BAIAP3: variants seen among roughly 807,000 people sequenced by gnomAD.
BAIAP3 encodes BAI1-associated protein 3.
In BAIAP3, 180 loss-of-function variants were observed where a neutral mutation model predicts 149.7. The observed-to-expected ratio is 1.20, with a 90% CI of 1.07 to 1.36. The LOEUF is 1.36. Among genes scored for constraint, BAIAP3 ranks in the 40% most tolerant of loss-of-function variants. BAIAP3 has a pLI of 0.00. For synonymous variants in BAIAP3, 845 were observed against 670.7 expected (o/e 1.26, Z -4.02); for missense variants, 1,767 against 1,563.4 (o/e 1.13, Z -2.20).
rs138350578 is a variant in BAIAP3, at chr16:1,348,192, G to C, written c.3246G>C (p.Glu1082Asp). The C allele has an allele frequency of 6.2e-7, 1 of 1,609,168 alleles. No homozygotes were observed. Among genetic ancestry groups the C allele is most frequent in the Non-Finnish European group, 8.5e-7 (1 of 1,179,636 alleles). The stretch of plus-strand genomic sequence containing the variant: ...TGTCCACCAACGACTTCGCTGGGGA[G>C]GCGGCCCTCGGCCTAGGTGGCGTCA... Reference protein sequence around the residue: ...DWLSTNDFAGEAALGLGGVTG... With the variant: ...DWLSTNDFAGDAALGLGGVTG... Residue 1082 changes from glutamate to aspartate, a missense_variant, in exon 33 of 34, where the codon GAG becomes GAC. Transcript: ENST00000426824.
chr16:1,342,364 C>G lies in BAIAP3; in HGVS notation c.957+81C>G, dbSNP rs572917879. ...CCAGCCTTCAAGGGGCAGGGCACTG[C>G]CTGGAGAAGCTCCTGCTTTTGGGCC... is the stretch of plus-strand genomic sequence containing the variant. On this transcript the variant is annotated intron_variant, in intron 11 of 33. Coordinates refer to ENST00000426824, the MANE Select transcript of BAIAP3 (RefSeq NM_001199097.2). 1.4e-4 allele frequency: 209 copies of G among 1,481,258 alleles called. 1 individual carries two copies. The Middle Eastern group carries it at 3.0e-3, about 21-fold the overall frequency. 91.8% of individuals were successfully genotyped at this position (1,481,258 alleles called of 1,614,324 possible).
chr16:1,334,230 A>C (rs1241336373), intron 1 of BAIAP3, among the ~76,000 whole-genome samples: 1 of 151,738 alleles, frequency 6.6e-6, no homozygotes, highest in Non-Finnish European at 1.5e-5. Flanking sequence ...GTCCCCCCGA[A>C]ATCCCTGCGA....
At chr16:1,335,093 A>G (rs567195487) in intron 1 of BAIAP3, among the ~76,000 whole-genome samples, 8 of 152,164 alleles carry the variant, frequency 5.3e-5, no homozygotes, top group Non-Finnish European at 1.2e-4. Context: ...TGAGCCCCCA[A>G]ATGGCCTGGC....
At chr16:1,340,438 T>TCACACAC (rs2033841560) in intron 5 of BAIAP3, among the ~76,000 whole-genome samples, 1 of 43,072 alleles carries the variant, frequency 2.3e-5, no homozygotes. Flanking sequence ...TACACAGACA[T>TCACACAC]GCACACAGGT....
intron 1 of BAIAP3, 72 bp from the exon 2 acceptor site, chr16:1,338,468 C>A (rs1458816516): frequency 1.4e-5 from 9 of 665,168 alleles, no homozygotes; most frequent in African/African-American, 3.9e-5. Context: ...ACCCCCCCAC[C>A]CCCCCGCCTG....
chr16:1,341,491 T>G lies in BAIAP3; in HGVS notation c.731+2T>G. 6.2e-7 allele frequency: 1 copy of G among 1,605,432 alleles called. No individual in the cohort carries two copies. On this transcript the variant is annotated splice_donor_variant, in intron 8 of 33. Transcript: ENST00000426824. LOFTEE classifies it high-confidence loss of function. Reference sequence around the variant, plus strand: ...CGTCTGGAAGGAGCACTTCCTCTTGTGAGGCCCTCGCCCGTCTGGGTGCGG... The same window carrying G: ...CGTCTGGAAGGAGCACTTCCTCTTGGGAGGCCCTCGCCCGTCTGGGTGCGG...
chr16:1,348,359 C>T lies in BAIAP3; in HGVS notation c.3356-20C>T, dbSNP rs370350074. 1.1e-5 allele frequency: 17 copies of T among 1,610,562 alleles called. No homozygotes were observed. The African/African-American group carries it at 2.1e-4, about 20-fold the overall frequency. Reference sequence around the variant, plus strand: ...CGGGCCTGACCCCGGCCCCCACACACCTGCCCGCGCTGCTTGCAGTGAGAT... The same window carrying T: ...CGGGCCTGACCCCGGCCCCCACACATCTGCCCGCGCTGCTTGCAGTGAGAT... On this transcript the variant is annotated intron_variant, in intron 33 of 33. Coordinates refer to ENST00000426824, the MANE Select transcript of BAIAP3 (RefSeq NM_001199097.2).
In BAIAP3 at chr16:1,339,539, G is replaced by A. The variant is rs142556073; in HGVS notation, c.344G>A (p.Arg115His). Reference sequence around the variant, plus strand: ...GAGGCCCTGTACACGGTGCTTTACCGCGCGGGTACCATGGGCCCTGACCAG... The same window carrying A: ...GAGGCCCTGTACACGGTGCTTTACCACGCGGGTACCATGGGCCCTGACCAG... ...YEEALYTVLYRAGTMGPDQVD... is the reference protein window; with the variant it reads ...YEEALYTVLYHAGTMGPDQVD... The change falls in exon 5 of 34, where the codon CGC (arginine) becomes CAC (histidine). Residue 115 changes from arginine (R) to histidine (H), a missense_variant. Physicochemically the swap from Arg to His is conservative, Grantham distance 29. Coordinates refer to ENST00000426824, the MANE Select transcript of BAIAP3 (RefSeq NM_001199097.2). 39 of 1,612,458 alleles carry A rather than the reference G, an allele frequency of 2.4e-5. No homozygotes were observed. The highest frequency in any genetic ancestry group is 1.2e-4 in the African/African-American group (9 of 74,878).
At position 1,343,489 on chromosome 16, in the gene BAIAP3, G is replaced by A. The variant is rs1338828000; in HGVS notation, c.1362G>A (p.Glu454=). The stretch of plus-strand genomic sequence containing the variant: ...AGGACATGCAGGCACACTGGGAAGA[G>A]GCTCCTTCACTGCCCCAGGAGCAGG... ...LLEDMQAHWE[E]APSLPQEQEE... Residue 454 remains glutamate (E), a synonymous_variant, in exon 15 of 34, where the codon GAG becomes GAA. Transcript: ENST00000426824. 3.7e-6 allele frequency: 6 copies of A among 1,605,338 alleles called. No individual in the cohort carries two copies. The highest frequency in any genetic ancestry group is 2.5e-6 in the Non-Finnish European group (3 of 1,177,492).
In BAIAP3 at chr16:1,344,245, G is replaced by A; in HGVS notation, c.1530G>A (p.Gln510=). 1 of 1,613,650 alleles carries A rather than the reference G, an allele frequency of 6.2e-7. No individual in the cohort carries two copies. The highest frequency in any genetic ancestry group is 1.1e-5 in the South Asian group (1 of 91,086). The change falls in exon 17 of 34, where the codon CAG becomes CAA. Residue 510 remains glutamine (Q), a synonymous_variant. Transcript: ENST00000426824. ...ELLLKCLGKL[Q]LFQPSFEICP... is the part of the protein sequence containing the mutation. ...CACCCAGGTGTCTGGGCAAGCTGCA[G>A]CTCTTCCAACCCTCCTTTGAGATCT...
In BAIAP3 at chr16:1,346,071, G is replaced by T; in HGVS notation, c.2294G>T (p.Ser765Ile). The change falls in exon 24 of 34, where the codon AGC (serine) becomes ATC (isoleucine). Residue 765 changes from serine (S) to isoleucine (I), a missense_variant. Transcript: ENST00000426824. ...CCAGGGGCGGCCGGTGAAGCAGTGA[G>T]CGAGGCGGTGAGTGACCAGCTGGGG... ...TQPGAAGEAV[S>I]EALCVVLNNV... 2 of 1,610,736 alleles carry T rather than the reference G, an allele frequency of 1.2e-6. No individual in the cohort carries two copies. Among genetic ancestry groups the T allele is most frequent in the Non-Finnish European group, 1.7e-6 (2 of 1,179,258 alleles).
rs768813705 is a variant in BAIAP3 at position 1,346,029 on chromosome 16, A to C, written c.2252A>C (p.Lys751Thr). 5.8e-5 allele frequency: 94 copies of C among 1,611,580 alleles called. No individual in the cohort carries two copies. The highest frequency in any genetic ancestry group is 7.7e-5 in the Non-Finnish European group (91 of 1,179,576). The change falls in exon 24 of 34, where the codon AAG becomes ACG. Residue 751 changes from lysine to threonine, a missense_variant. Transcript: ENST00000426824. Reference sequence around the variant, plus strand: ...CTCTTCTATACGGAGCTGCTTCGGAAGAAGGTGGACACTCAGCCAGGGGCG... The same window carrying C: ...CTCTTCTATACGGAGCTGCTTCGGACGAAGGTGGACACTCAGCCAGGGGCG... ...ATLFYTELLR[K>T]KVDTQPGAAG...
chr16:1,334,915 G>T lies in BAIAP3; in HGVS notation c.-11+1166G>T, dbSNP rs755096752. Reference sequence around the variant, plus strand: ...GATGTCCTGCCACCTCCCGCCCCAGGCACACACCCAGGGCACCATCAGCTA... The same window carrying T: ...GATGTCCTGCCACCTCCCGCCCCAGTCACACACCCAGGGCACCATCAGCTA... On this transcript the variant is annotated intron_variant, in intron 1 of 33. Transcript: ENST00000426824. 2.0e-3 allele frequency among the ~76,000 whole-genome samples: 304 copies of T among 152,290 alleles called. 2 individuals carry two copies. Among genetic ancestry groups the T allele is most frequent in the Non-Finnish European group, 3.5e-3 (241 of 67,998 alleles).
At chr16:1,343,234 G>A (rs1567165726) in intron 14 of BAIAP3, 159 bp from the exon 15 acceptor site, 1 of 1,224,550 alleles carries the variant, frequency 8.2e-7, no homozygotes, top group Non-Finnish European at 1.1e-6. Flanking sequence ...GAGTAGGTAC[G>A]GCAGCGCTAA....
Position 1,343,463 on chromosome 16 carries a change from G to T in BAIAP3, c.1336G>T (p.Glu446Ter). 6.3e-7 allele frequency: 1 copy of T among 1,599,996 alleles called. No individual in the cohort carries two copies. Among genetic ancestry groups the T allele is most frequent in the East Asian group, 2.2e-5 (1 of 44,510 alleles). ...CTACAGCTACCTGCTGGGGCTGCTG[G>T]AGGACATGCAGGCACACTGGGAAGA... ...LDYSYLLGLL[E>*]DMQAHWEEAP... Residue 446 changes from glutamate (E) to a stop codon, truncating the protein, a stop_gained, in exon 15 of 34, where the codon GAG (glutamate) becomes TAG (stop). Transcript: ENST00000426824. LOFTEE classifies it high-confidence loss of function.
chr16:1,346,701 TG>T lies in BAIAP3; in HGVS notation c.2642+20del. ...CCTGAGCAGGTGCGGGCGGGTGGGG[TG>T]GGATGGGCTGGGCTGGCCCGTGGTC... On this transcript the variant is annotated intron_variant, in intron 27 of 33. Coordinates refer to ENST00000426824, the MANE Select transcript of BAIAP3 (RefSeq NM_001199097.2). 3.3e-5 allele frequency: 5 copies of T among 153,368 alleles called. No individual in the cohort carries two copies. The highest frequency in any genetic ancestry group is 4.7e-5 in the Non-Finnish European group (4 of 85,944). 9.5% of individuals were successfully genotyped at this position (153,368 alleles called of 1,614,324 possible). A position where few individuals can be genotyped will look rare whatever the true frequency, so the allele number is the denominator to read the frequency against.
chr16:1,336,932 T>C (rs898368401), intron 1 of BAIAP3, among the ~76,000 whole-genome samples: 7 of 152,014 alleles, frequency 4.6e-5, no homozygotes, highest in African/African-American at 1.2e-4. Context: ...CCCGGGGGGC[T>C]GGGGGAGCGC....
intron 5 of BAIAP3, 97 bp from the exon 6 acceptor site, chr16:1,340,825 T>G (rs1456689800): frequency 7.6e-7 from 1 of 1,308,970 alleles, no homozygotes; most frequent in Non-Finnish European, 1.1e-6. Context: ...GGACTGAGGT[T>G]GGGTGTCTGT....
Position 1,344,797 on chromosome 16 carries a change from G to T in BAIAP3, c.1758-1G>T, listed in dbSNP as rs745537380. ...GATGAGGTGTGTCCCTTGCTCTGCA[G>T]CATCCTCAATGTGGACGTCTTCACC... On this transcript the variant is annotated splice_acceptor_variant, in intron 19 of 33. Coordinates refer to ENST00000426824, the MANE Select transcript of BAIAP3 (RefSeq NM_001199097.2). LOFTEE classifies it high-confidence loss of function. The T allele has an allele frequency of 6.2e-7, 1 of 1,613,822 alleles. No individual in the cohort carries two copies. Among genetic ancestry groups the T allele is most frequent in the Admixed American group, 1.7e-5 (1 of 60,026 alleles).
Sources: allele counts gnomAD v4.1 joint callset (sites outside exome capture counted in the v4.1 genomes callset), GRCh38; gene constraint gnomAD v4.1.1; transcripts MANE v1.5; gene names NCBI Gene and HGNC (gene_info 2026-07-23, HGNC 2026-07-21).